AVL9: variants seen among roughly 807,000 people sequenced by gnomAD.
AVL9 encodes the protein late secretory pathway protein AVL9 homolog.
AVL9 carries 49 observed loss-of-function variants against 79.2 expected under a neutral mutation model. That is an observed-to-expected ratio of 0.62 (90% CI 0.49 to 0.79). The LOEUF is 0.79. Ranked by LOEUF, AVL9 falls within the 30% of genes least tolerant of loss-of-function variation. The pLI is 0.00. For missense variants in AVL9, 682 were observed against 776.8 expected (o/e 0.88, Z 1.45); for synonymous variants, 299 against 280.6 (o/e 1.07, Z -0.65).
intron 10 of AVL9, among the ~76,000 whole-genome samples, chr7:32,567,518 C>G (rs936750461): frequency 1.3e-5 from 2 of 152,096 alleles, no homozygotes; most frequent in African/African-American, 4.8e-5. Context: ...TAAAAAGTCT[C>G]CCTTCCATTT....
chr7:32,542,696 T>C (rs747278722), intron 1 of AVL9, among the ~76,000 whole-genome samples: 1 of 152,228 alleles, frequency 6.6e-6, no homozygotes, highest in African/African-American at 2.4e-5. Context: ...TGTGGAAAGA[T>C]GAGCCATCCT....
intron 1 of AVL9, chr7:32,534,450 T>A (rs1788806947): frequency 6.6e-6 from 1 of 152,078 alleles, no homozygotes; most frequent in Non-Finnish European, 1.5e-5. Flanking sequence ...TGTGAATACA[T>A]GGGAGATAAC....
At chr7:32,497,489 CTACCTAATTCTCCACTT>C (rs1188281576) in intron 1 of AVL9, among the ~76,000 whole-genome samples, 1 of 152,168 alleles carries the variant, frequency 6.6e-6, no homozygotes, top group Non-Finnish European at 1.5e-5. Context: ...GATTAATCAG[CTACCTAATTCTCCACTT>C]TAACTATTTT....
At chr7:32,498,321 TCA>T (rs1308021896) in intron 1 of AVL9, among the ~76,000 whole-genome samples, 1 of 136,452 alleles carries the variant, frequency 7.3e-6, no homozygotes, top group Non-Finnish European at 1.5e-5. Context: ...CGATCTCCAC[TCA>T]CTGCAACTTT....
chr7:32,552,397 G>A, intron 6 of AVL9, 102 bp downstream of exon 6: 1 of 649,156 alleles, frequency 1.5e-6, no homozygotes, highest in Non-Finnish European at 2.7e-6. Context: ...TCTCTATATG[G>A]GATCTAAATT....
At position 32,584,972 on chromosome 7, in the gene AVL9, G is replaced by A. The variant is rs1216376114; in HGVS notation, c.*1065G>A. The stretch of plus-strand genomic sequence containing the variant: ...TTTAGTAGAGACGGGGTTTTGCCAT[G>A]TTGGCCAGGCTGGTCTTGATCTCCT... On this transcript the variant is annotated 3_prime_UTR_variant, in exon 16 of 16. Transcript: ENST00000318709. The A allele has an allele frequency of 1.3e-5, 2 of 152,184 alleles. No individual in the cohort carries two copies. Among genetic ancestry groups the A allele is most frequent in the Admixed American group, 1.3e-4 (2 of 15,276 alleles). 9.4% of individuals were successfully genotyped at this position (152,184 alleles called of 1,614,324 possible). A position where few individuals can be genotyped will look rare whatever the true frequency, so the allele number is the denominator to read the frequency against.
chr7:32,579,765 A>T (rs1331172635), intron 13 of AVL9, among the ~76,000 whole-genome samples: 1 of 148,038 alleles, frequency 6.8e-6, no homozygotes, highest in Admixed American at 7.1e-5. Context: ...GATTTTGTTG[A>T]TCCATCCACA....
intron 1 of AVL9, among the ~76,000 whole-genome samples, chr7:32,498,681 G>GA (rs1174002895): frequency 1.3e-5 from 2 of 150,292 alleles, no homozygotes; most frequent in Admixed American, 6.6e-5. Flanking sequence ...TTAGCTTCTA[G>GA]ATGTCATTTT....
intron 11 of AVL9, among the ~76,000 whole-genome samples, chr7:32,570,617 A>G (rs1330087733): frequency 6.7e-6 from 1 of 149,388 alleles, no homozygotes; most frequent in African/African-American, 2.4e-5. Context: ...AACTGAAATA[A>G]TCTTTTTTCT....
intron 10 of AVL9, among the ~76,000 whole-genome samples, chr7:32,564,736 G>A (rs1280184665): frequency 6.6e-6 from 1 of 152,124 alleles, no homozygotes; most frequent in Non-Finnish European, 1.5e-5. Context: ...AAGCCTGAGA[G>A]CTGATTCAGG....
At chr7:32,571,349 G>A (rs1317857122) in intron 11 of AVL9, among the ~76,000 whole-genome samples, 1 of 151,454 alleles carries the variant, frequency 6.6e-6, no homozygotes, top group African/African-American at 2.4e-5. Flanking sequence ...CCAACATGGT[G>A]AAACCCCGTC....
chr7:32,519,567 T>G (rs1003557081), intron 1 of AVL9, among the ~76,000 whole-genome samples: 1 of 152,208 alleles, frequency 6.6e-6, no homozygotes, highest in African/African-American at 2.4e-5. Flanking sequence ...CTGCAATAGT[T>G]TAAAATCTTA....
In AVL9 at chr7:32,572,206, G is replaced by T. The variant is rs895880815; in HGVS notation, c.1351-993G>T. ...AAAATTCAGCCACACTGAGGTTTTT[G>T]TAGTTTCTGACAGAAAGTATGAAAA... On this transcript the variant is annotated intron_variant, in intron 11 of 15. Coordinates refer to ENST00000318709, the MANE Select transcript of AVL9 (RefSeq NM_015060.3). Among the ~76,000 whole-genome samples, 11 of 150,954 alleles carry T rather than the reference G, an allele frequency of 7.3e-5. 1 individual carries two copies. Among genetic ancestry groups the T allele is most frequent in the African/African-American group, 2.7e-4 (11 of 40,442 alleles).
At chr7:32,511,919 C>T (rs749489554) in intron 1 of AVL9, among the ~76,000 whole-genome samples, 13 of 152,140 alleles carry the variant, frequency 8.5e-5, no homozygotes, top group South Asian at 2.1e-4. Context: ...CTTGTCCAAA[C>T]GAGTCAGAAT....
At chr7:32,544,135 T>C (rs1789354463) in intron 2 of AVL9, among the ~76,000 whole-genome samples, 1 of 152,220 alleles carries the variant, frequency 6.6e-6, no homozygotes, top group African/African-American at 2.4e-5. Context: ...AGATTTTCTT[T>C]ATATTTGTGT....
chr7:32,497,041 A>G (rs1380770590), intron 1 of AVL9, among the ~76,000 whole-genome samples: 1 of 151,292 alleles, frequency 6.6e-6, no homozygotes, highest in Non-Finnish European at 1.5e-5. Flanking sequence ...CTGAGGCTAC[A>G]GTGACCCTTG....
intron 3 of AVL9, among the ~76,000 whole-genome samples, chr7:32,548,415 T>A (rs1789635116): frequency 6.6e-6 from 1 of 152,160 alleles, no homozygotes; most frequent in Non-Finnish European, 1.5e-5. Flanking sequence ...CCCAAAATGC[T>A]GAGATTACAG....
intron 10 of AVL9, among the ~76,000 whole-genome samples, chr7:32,566,840 G>A (rs1038284293): frequency 1.3e-5 from 2 of 152,274 alleles, no homozygotes; most frequent in East Asian, 3.9e-4. Context: ...CCGAGATCGC[G>A]CCACTGCACT....
intron 8 of AVL9, among the ~76,000 whole-genome samples, chr7:32,557,113 A>G (rs937100372): frequency 2.1e-5 from 3 of 145,244 alleles, no homozygotes; most frequent in South Asian, 2.3e-4. Flanking sequence ...CAGGAAATTT[A>G]ACATTGAGAT....
Sources: gnomAD v4.1 joint callset for allele counts (sites outside exome capture counted in the v4.1 genomes callset) on GRCh38, gnomAD v4.1.1 for gene constraint, MANE v1.5 for transcripts, NCBI Gene and HGNC (gene_info 2026-07-23, HGNC 2026-07-21) for gene names.